Variants in ASCC1 observed in about 807,000 individuals in gnomAD.
ASCC1 encodes the protein activating signal cointegrator 1 complex subunit 1.
ASCC1 carries 35 observed loss-of-function variants against 46.6 expected under a neutral mutation model. The ratio of observed to expected loss-of-function variants is 0.75; its 90% CI spans 0.57 to 0.99. The LOEUF is 0.99. Ranked by LOEUF, ASCC1 falls within the 50% of genes least tolerant of loss-of-function variation. The pLI is 0.00. For synonymous variants in ASCC1, 143 were observed against 146.6 expected (o/e 0.98, Z 0.18); for missense variants, 376 against 428.7 (o/e 0.88, Z 1.09).
At chr10:72,164,548 G>T (rs1850105346) in intron 5 of ASCC1, among the ~76,000 whole-genome samples, 1 of 151,980 alleles carries the variant, frequency 6.6e-6, no homozygotes, top group Non-Finnish European at 1.5e-5. Context: ...TTGAAGATTT[G>T]GGTTTTTTGC....
chr10:72,129,304 C>T (rs1045788030), intron 8 of ASCC1, among the ~76,000 whole-genome samples: 1 of 152,134 alleles, frequency 6.6e-6, no homozygotes, highest in African/African-American at 2.4e-5. Flanking sequence ...GGAAACAACA[C>T]AAATGTCCAC....
At chr10:72,183,560 G>T (rs762308718) in intron 5 of ASCC1, among the ~76,000 whole-genome samples, 4 of 151,612 alleles carry the variant, frequency 2.6e-5, no homozygotes, top group Non-Finnish European at 5.9e-5. Flanking sequence ...GAGGCAGGAA[G>T]ATTGCTTGAG....
intron 7 of ASCC1, among the ~76,000 whole-genome samples, chr10:72,137,789 C>T (rs1171523252): frequency 1.3e-5 from 2 of 151,992 alleles, no homozygotes; most frequent in African/African-American, 4.8e-5. Context: ...GTTACGTAAT[C>T]AGAAAAAATT....
In ASCC1 at chr10:72,102,881, A is replaced by G. The variant is rs1320685169; in HGVS notation, c.958-5431T>C. The G allele has an allele frequency of 1.8e-5, 7 of 398,822 alleles. No homozygotes were observed. In the East Asian group the frequency reaches 5.6e-4, roughly 32 times the overall value. 24.7% of individuals were successfully genotyped at this position (398,822 alleles called of 1,614,324 possible). On this transcript the variant is annotated intron_variant, in intron 9 of 9. Coordinates refer to ENST00000672957, the MANE Select transcript of ASCC1 (RefSeq NM_001198800.3). ...TCCCAGCTACTTGGGAGGCTGAGGC[A>G]GGAGAATCACTTGAACCCGGGAGGC...
At chr10:72,116,038 G>A (rs1169771730) in intron 9 of ASCC1, among the ~76,000 whole-genome samples, 1 of 152,154 alleles carries the variant, frequency 6.6e-6, no homozygotes, top group Non-Finnish European at 1.5e-5. Flanking sequence ...ACACAGCCAA[G>A]AATCAACAAA....
At chr10:72,212,657 G>C (rs1383267917) in intron 2 of ASCC1, among the ~76,000 whole-genome samples, 1 of 152,072 alleles carries the variant, frequency 6.6e-6, no homozygotes, top group African/African-American at 2.4e-5. Context: ...AGACTAGCCT[G>C]GCCAACATGG....
intron 7 of ASCC1, among the ~76,000 whole-genome samples, chr10:72,138,181 AAT>A (rs1277520856): frequency 1.3e-5 from 2 of 152,138 alleles, no homozygotes; most frequent in Non-Finnish European, 2.9e-5. Context: ...TATATTTCTA[AAT>A]ATAACTTAGG....
At chr10:72,182,023 A>G (rs1852700340) in intron 5 of ASCC1, among the ~76,000 whole-genome samples, 1 of 152,152 alleles carries the variant, frequency 6.6e-6, no homozygotes, top group South Asian at 2.1e-4. Context: ...GGGTTCCAGA[A>G]GGAGATGAGA....
chr10:72,149,437 CAAAAAAAAAA>C (rs11297879), intron 7 of ASCC1, among the ~76,000 whole-genome samples: 3 of 52,702 alleles, frequency 5.7e-5, no homozygotes, highest in Admixed American at 3.1e-4. Flanking sequence ...GACTCCGTCA[CAAAAAAAAAA>C]AAAAAAAAAA....
At chr10:72,209,664 A>T (rs1406146868) in intron 3 of ASCC1, among the ~76,000 whole-genome samples, 1 of 152,024 alleles carries the variant, frequency 6.6e-6, no homozygotes, top group Non-Finnish European at 1.5e-5. Flanking sequence ...GGCACCTATT[A>T]TCCCAGCTAC....
At chr10:72,181,173 C>T (rs1480961624) in intron 5 of ASCC1, among the ~76,000 whole-genome samples, 1 of 152,112 alleles carries the variant, frequency 6.6e-6, no homozygotes, top group Admixed American at 6.6e-5. Context: ...ACCACGTTGG[C>T]CAGGATGGTC....
Position 72,097,231 on chromosome 10 carries a change from C to G in ASCC1, c.*103G>C, listed in dbSNP as rs534586649. The G allele has an allele frequency of 4.4e-4, 376 of 846,884 alleles. No individual in the cohort carries two copies. The highest frequency in any genetic ancestry group is 7.2e-4 in the Non-Finnish European group (352 of 488,294). The allele number at this position is 846,884 out of a possible 1,614,324, so 52.5% of individuals were successfully genotyped here. A position where few individuals can be genotyped will look rare whatever the true frequency, so the allele number is the denominator to read the frequency against. ...TCTATGGGGAACCACCCAGGAAAGT[C>G]ACCATCCAAATGTCCACATCCCTGC... On this transcript the variant is annotated 3_prime_UTR_variant, in exon 10 of 10. Transcript: ENST00000672957.
At chr10:72,208,872 C>T (rs983905932) in intron 3 of ASCC1, among the ~76,000 whole-genome samples, 3 of 152,032 alleles carry the variant, frequency 2.0e-5, no homozygotes, top group Admixed American at 6.6e-5. Flanking sequence ...AAGATACAGA[C>T]AGCTGGTAGA....
intron 5 of ASCC1, among the ~76,000 whole-genome samples, chr10:72,194,764 A>G (rs999894191): frequency 3.3e-5 from 5 of 152,142 alleles, no homozygotes; most frequent in African/African-American, 9.7e-5. Context: ...TGTTTTTGAG[A>G]CAAGTTTCGC....
chr10:72,104,680 C>G (rs975921436), intron 9 of ASCC1, among the ~76,000 whole-genome samples: 2 of 152,066 alleles, frequency 1.3e-5, no homozygotes, highest in South Asian at 2.1e-4. Context: ...TTCCCTGACA[C>G]GCACACACAT....
At chr10:72,146,952 T>C (rs1283883412) in intron 7 of ASCC1, among the ~76,000 whole-genome samples, 5 of 151,856 alleles carry the variant, frequency 3.3e-5, no homozygotes, top group Non-Finnish European at 5.9e-5. Context: ...GATTGAATGG[T>C]CCTTAAAAAC....
In ASCC1 at chr10:72,208,781, G is replaced by GTT. The variant is rs373872945; in HGVS notation, c.212+1950_212+1951insAA. On this transcript the variant is annotated intron_variant, in intron 3 of 9. Coordinates refer to ENST00000672957, the MANE Select transcript of ASCC1 (RefSeq NM_001198800.3). Reference sequence around the variant, plus strand: ...TCTCAAAAAAAATGTGTGTGTGTGTGTGTTTGTGTGTGTGTGTGTGTAGAG... The same window carrying GTT: ...TCTCAAAAAAAATGTGTGTGTGTGTGTTTGTTTGTGTGTGTGTGTGTGTAGAG... 3.2e-3 allele frequency among the ~76,000 whole-genome samples: 492 copies of GTT among 151,912 alleles called. 4 individuals are homozygous for GTT. Among genetic ancestry groups the GTT allele is most frequent in the African/African-American group, 0.011 (472 of 41,418 alleles).
intron 9 of ASCC1, among the ~76,000 whole-genome samples, chr10:72,120,118 C>T (rs1277584206): frequency 6.6e-6 from 1 of 152,110 alleles, no homozygotes; most frequent in Non-Finnish European, 1.5e-5. Context: ...ATCCCAGATA[C>T]TCGGGAGGCT....
chr10:72,139,012 T>C (rs868611387), intron 7 of ASCC1, among the ~76,000 whole-genome samples: 20 of 152,190 alleles, frequency 1.3e-4, no homozygotes, highest in Non-Finnish European at 1.8e-4. Flanking sequence ...AATTCACAGA[T>C]AGCAAATATT....
Sources: allele counts gnomAD v4.1 joint callset (sites outside exome capture counted in the v4.1 genomes callset), GRCh38; gene constraint gnomAD v4.1.1; transcripts MANE v1.5; gene names NCBI Gene and HGNC (gene_info 2026-07-23, HGNC 2026-07-21).